Variants in CTNNA2 observed in about 807,000 individuals in gnomAD.
CTNNA2 encodes the protein catenin alpha 2.
CTNNA2 carries 42 observed loss-of-function variants against 101.0 expected under a neutral mutation model. The observed-to-expected ratio is 0.42, with a 90% CI of 0.32 to 0.54. The LOEUF is 0.54. Among genes scored for constraint, CTNNA2 ranks in the 20% least tolerant of loss-of-function variants. The probability of loss-of-function intolerance (pLI) is 0.14; values close to 1 mark genes in which losing one functional copy is unlikely to be tolerated. For synonymous variants in CTNNA2, 450 were observed against 456.4 expected, an observed-to-expected ratio of 0.99 and a Z score of 0.18; for missense variants, 871 against 1,223.1, an observed-to-expected ratio of 0.71 and a Z score of 4.29.
At chr2:80,602,147 C>T (rs1309123712) in intron 15 of CTNNA2, 1 of 152,038 alleles carries the variant, frequency 6.6e-6, no homozygotes, top group Non-Finnish European at 1.5e-5. Context: ...TGTTGCGACT[C>T]CAGTAATTTG....
At chr2:79,576,812 A>T (rs904429547) in intron 1 of CTNNA2, among the ~76,000 whole-genome samples, 1 of 152,178 alleles carries the variant, frequency 6.6e-6, no homozygotes, top group Non-Finnish European at 1.5e-5. Context: ...TTTTTCATCC[A>T]TAAGTGAAGA....
At chr2:79,815,282 G>A (rs193019621) in intron 3 of CTNNA2, among the ~76,000 whole-genome samples, 16 of 152,072 alleles carry the variant, frequency 1.1e-4, no homozygotes, top group Admixed American at 6.6e-4. Context: ...TAATTAAGTC[G>A]CAACTATTTA....
At chr2:79,468,873 G>C (rs979131662) in intron 4 of CTNNA2, among the ~76,000 whole-genome samples, 21 of 152,118 alleles carry the variant, frequency 1.4e-4, no homozygotes, top group Admixed American at 5.2e-4. Flanking sequence ...GGGACGCATT[G>C]AAAGCAGTGT....
chr2:79,659,098 A>G (rs939827773), intron 2 of CTNNA2, among the ~76,000 whole-genome samples: 2 of 151,986 alleles, frequency 1.3e-5, no homozygotes, highest in Non-Finnish European at 2.9e-5. Context: ...TGGTGCAATT[A>G]AAATCAGGGA....
chr2:79,687,212 G>A (rs1297394729), intron 2 of CTNNA2, among the ~76,000 whole-genome samples: 1 of 152,012 alleles, frequency 6.6e-6, no homozygotes, highest in African/African-American at 2.4e-5. Context: ...GAGAGAATAT[G>A]GTGACCCTGG....
At chr2:79,597,348 C>G (rs1207411599) in intron 1 of CTNNA2, among the ~76,000 whole-genome samples, 1 of 151,568 alleles carries the variant, frequency 6.6e-6, no homozygotes, top group Non-Finnish European at 1.5e-5. Context: ...GGCGGGCGCC[C>G]GTAGTCCCAG....
chr2:79,844,139 A>G (rs939751997), intron 3 of CTNNA2, among the ~76,000 whole-genome samples: 1 of 152,206 alleles, frequency 6.6e-6, no homozygotes, highest in African/African-American at 2.4e-5. Flanking sequence ...CTTTAAAGGA[A>G]ATAAACACTA....
At chr2:80,553,038 G>A (rs940920641) in intron 11 of CTNNA2, among the ~76,000 whole-genome samples, 3 of 146,212 alleles carry the variant, frequency 2.1e-5, no homozygotes, top group Admixed American at 1.4e-4. Context: ...CCAACATGGT[G>A]AAACCCTGTC....
At chr2:79,594,029 T>G (rs138971574) in intron 1 of CTNNA2, among the ~76,000 whole-genome samples, 118 of 151,360 alleles carry the variant, frequency 7.8e-4, no homozygotes, top group Middle Eastern at 6.8e-3. Flanking sequence ...GCTGGGATTA[T>G]AGGCGACCAC....
At chr2:80,331,489 C>T (rs1260436187) in intron 7 of CTNNA2, among the ~76,000 whole-genome samples, 1 of 152,042 alleles carries the variant, frequency 6.6e-6, no homozygotes, top group Non-Finnish European at 1.5e-5. Flanking sequence ...CAGAGATGCT[C>T]AGAAGGCCTA....
chr2:79,313,922 T>G lies in CTNNA2; in HGVS notation c.-318+1126T>G, dbSNP rs148846593. Among the ~76,000 whole-genome samples, 546 of 152,190 alleles carry G rather than the reference T, an allele frequency of 3.6e-3. 3 individuals are homozygous for G. The highest frequency in any genetic ancestry group is 0.013 in the African/African-American group (523 of 41,510). Reference sequence around the variant, plus strand: ...CCGCAGGGAGATGGGCAAGACCCGGTGTGAGAACCAAATGCAGCGCTTGTT... The same window carrying G: ...CCGCAGGGAGATGGGCAAGACCCGGGGTGAGAACCAAATGCAGCGCTTGTT... On this transcript the variant is annotated intron_variant, in intron 3 of 21. Coordinates refer to the CTNNA2 transcript ENST00000466387.
At chr2:79,668,223 G>A (rs1160495296) in intron 2 of CTNNA2, among the ~76,000 whole-genome samples, 1 of 136,800 alleles carries the variant, frequency 7.3e-6, no homozygotes, top group Non-Finnish European at 1.5e-5. Context: ...GTCCGACCTG[G>A]GCGACAGAGC....
At chr2:79,793,506 C>G (rs115340375) in intron 3 of CTNNA2, among the ~76,000 whole-genome samples, 2,327 of 152,184 alleles carry the variant, frequency 0.015, 54 homozygotes, top group African/African-American at 0.053. Flanking sequence ...TAAACATTCC[C>G]CTTAAGGGAG....
chr2:79,777,289 A>G (rs1674041038), intron 3 of CTNNA2, among the ~76,000 whole-genome samples: 1 of 151,362 alleles, frequency 6.6e-6, no homozygotes, highest in Non-Finnish European at 1.5e-5. Context: ...AGAACAGCCA[A>G]TATTTACTGA....
chr2:79,353,647 G>A (rs762746111), intron 3 of CTNNA2, among the ~76,000 whole-genome samples: 33 of 151,992 alleles, frequency 2.2e-4, no homozygotes, highest in Non-Finnish European at 2.9e-4. Context: ...CAATTTAAGT[G>A]GGATATTTGG....
At chr2:80,589,185 G>T (rs928023201) in intron 14 of CTNNA2, 119 bp from the exon 15 acceptor site, 4 of 979,300 alleles carry the variant, frequency 4.1e-6, no homozygotes, top group Non-Finnish European at 6.0e-6. Context: ...TTCCGGAATG[G>T]CAGGGTAGCT....
rs116050683 is a variant in CTNNA2 at position 79,484,633 on chromosome 2, G to A, written c.-134-20421G>A. Among the ~76,000 whole-genome samples the A allele has an allele frequency of 7.6e-3, 1,153 of 152,206 alleles. 8 individuals are homozygous for A. The highest frequency in any genetic ancestry group is 0.02 in the Middle Eastern group (6 of 294). ...GGGCGAGGTGCTTGAGATGAAAGAT[G>A]GACAGGCTTCTCCTCAGGCGTATTG... On this transcript the variant is annotated intron_variant, in intron 4 of 21. Coordinates refer to the CTNNA2 transcript ENST00000466387.
chr2:80,645,267 T>C (rs1487985722), intron 18 of CTNNA2, among the ~76,000 whole-genome samples: 1 of 152,208 alleles, frequency 6.6e-6, no homozygotes, highest in Admixed American at 6.6e-5. Context: ...GTTAGGTATT[T>C]AGCTTCTAAA....
intron 7 of CTNNA2, among the ~76,000 whole-genome samples, chr2:80,211,043 G>A (rs867621371): frequency 6.6e-6 from 1 of 152,120 alleles, no homozygotes; most frequent in Non-Finnish European, 1.5e-5. Flanking sequence ...CATATCCTTT[G>A]CCCACTTTTT....
Sources: gnomAD v4.1 joint callset for allele counts (sites outside exome capture counted in the v4.1 genomes callset) on GRCh38, gnomAD v4.1.1 for gene constraint, MANE v1.5 for transcripts, NCBI Gene and HGNC (gene_info 2026-07-23, HGNC 2026-07-21) for gene names.